ZNF385D: variants seen among roughly 807,000 people sequenced by gnomAD.
ZNF385D encodes zinc finger protein 385D.
A neutral mutation model predicts 35.8 loss-of-function variants in ZNF385D; 15 were observed. The ratio of observed to expected loss-of-function variants is 0.42; its 90% CI spans 0.28 to 0.64. The LOEUF (loss-of-function observed/expected upper bound fraction) is 0.64, where lower values mean the gene tolerates loss of function less well. ZNF385D is among the 30% of genes least tolerant of loss of function. ZNF385D has a pLI of 0.23. For missense variants in ZNF385D, 474 were observed against 494.6 expected (o/e 0.96, Z 0.39); for synonymous variants, 212 against 186.8 (o/e 1.13, Z -1.10).
intron 3 of ZNF385D, among the ~76,000 whole-genome samples, chr3:21,962,520 T>C (rs535665060): frequency 3.7e-4 from 57 of 152,358 alleles, no homozygotes; most frequent in Non-Finnish European, 7.3e-4. Flanking sequence ...AGGTTTGGTC[T>C]GCATTTTAAA....
intron 3 of ZNF385D, among the ~76,000 whole-genome samples, chr3:21,759,042 A>C (rs1156936970): frequency 6.8e-6 from 1 of 148,142 alleles, no homozygotes; most frequent in Non-Finnish European, 1.5e-5. Flanking sequence ...CCTGAACTCG[A>C]ATGTTCAAGT....
chr3:22,100,590 A>C (rs1313776591), intron 3 of ZNF385D, among the ~76,000 whole-genome samples: 1 of 151,032 alleles, frequency 6.6e-6, no homozygotes, highest in Non-Finnish European at 1.5e-5. Flanking sequence ...AAGGACAAAA[A>C]ACCAAACATC....
At chr3:22,259,427 CAG>C (rs1392940722) in intron 2 of ZNF385D, among the ~76,000 whole-genome samples, 1 of 151,610 alleles carries the variant, frequency 6.6e-6, no homozygotes, top group Non-Finnish European at 1.5e-5. Flanking sequence ...TAAGAATAAC[CAG>C]AGTCTGTCAG....
intron 2 of ZNF385D, among the ~76,000 whole-genome samples, chr3:22,187,382 T>C (rs1372918923): frequency 6.6e-6 from 1 of 152,176 alleles, no homozygotes; most frequent in Non-Finnish European, 1.5e-5. Context: ...TTTGGGTGGC[T>C]TAAACTATTT....
chr3:22,079,493 T>C (rs181518164), intron 3 of ZNF385D, among the ~76,000 whole-genome samples: 7 of 151,890 alleles, frequency 4.6e-5, no homozygotes, highest in African/African-American at 1.2e-4. Context: ...TGGGGAGAGA[T>C]TTCTGAAGTG....
chr3:22,229,220 A>G (rs540428429), intron 2 of ZNF385D, among the ~76,000 whole-genome samples: 2 of 152,274 alleles, frequency 1.3e-5, no homozygotes, highest in South Asian at 4.1e-4. Context: ...TCAGTCCTAA[A>G]ACATTTTACT....
At chr3:21,885,738 GTC>G (rs1222106456) in intron 3 of ZNF385D, among the ~76,000 whole-genome samples, 1,797 of 61,092 alleles carry the variant, frequency 0.029, 26 homozygotes, top group African/African-American at 0.066. Flanking sequence ...GTGTGTCTGT[GTC>G]TGTGTGTGTG....
At chr3:22,197,983 G>A (rs1696532345) in intron 2 of ZNF385D, among the ~76,000 whole-genome samples, 1 of 152,016 alleles carries the variant, frequency 6.6e-6, no homozygotes, top group Admixed American at 6.6e-5. Flanking sequence ...ATAGTTAGAA[G>A]GCGATGTCCC....
At chr3:21,717,676 G>C (rs1045670801) in intron 1 of ZNF385D, among the ~76,000 whole-genome samples, 2 of 152,170 alleles carry the variant, frequency 1.3e-5, no homozygotes, top group African/African-American at 2.4e-5. Flanking sequence ...TGCTGTTCTT[G>C]TGGTAGTGAA....
At chr3:22,004,000 A>G (rs752301927) in intron 3 of ZNF385D, among the ~76,000 whole-genome samples, 2 of 152,208 alleles carry the variant, frequency 1.3e-5, no homozygotes, top group South Asian at 2.1e-4. Context: ...TTTAAAATAT[A>G]CTATAAAGTT....
chr3:22,104,434 T>C (rs1702102796), intron 3 of ZNF385D, among the ~76,000 whole-genome samples: 2 of 152,206 alleles, frequency 1.3e-5, no homozygotes, highest in South Asian at 2.1e-4. Context: ...CTGCAGGTAG[T>C]ATTTTGATGT....
intron 5 of ZNF385D, among the ~76,000 whole-genome samples, chr3:21,432,997 A>C (rs1575135047): frequency 6.6e-6 from 1 of 152,188 alleles, no homozygotes; most frequent in East Asian, 1.9e-4. Context: ...TTGATCCTTA[A>C]AAATGCCATT....
chr3:21,931,604 C>T (rs550791344), intron 3 of ZNF385D, among the ~76,000 whole-genome samples: 5 of 152,132 alleles, frequency 3.3e-5, no homozygotes, highest in Middle Eastern at 3.4e-3. Context: ...GAATATACCA[C>T]GATATGGAAG....
At chr3:21,754,285 G>C (rs1251701824), upstream of ZNF385D, among the ~76,000 whole-genome samples, 2 of 152,128 alleles carry the variant, frequency 1.3e-5, no homozygotes, top group African/African-American at 4.8e-5. Context: ...CATCTCAAGG[G>C]AGCGACTTAG....
upstream of ZNF385D, chr3:21,751,500 G>A: frequency 1.1e-5 from 11 of 963,372 alleles, no homozygotes; most frequent in African/African-American, 1.8e-5. Context: ...CTTTTACCCC[G>A]CCCCTCCTGT....
intron 2 of ZNF385D, among the ~76,000 whole-genome samples, chr3:21,619,707 C>A (rs181972762): frequency 2.9e-4 from 44 of 152,170 alleles, no homozygotes; most frequent in Admixed American, 2.3e-3. Context: ...TTTTCCCAGC[C>A]CTGGCCTGCT....
At chr3:22,168,804 T>C in intron 3 of ZNF385D, 3 of 985,386 alleles carry the variant, frequency 3.0e-6, no homozygotes, top group African/African-American at 1.7e-5. Flanking sequence ...AAAATATTTT[T>C]AGAAAAGCTT....
At chr3:21,976,561 G>T (rs1254033864) in intron 3 of ZNF385D, among the ~76,000 whole-genome samples, 7 of 152,182 alleles carry the variant, frequency 4.6e-5, no homozygotes, top group Non-Finnish European at 7.3e-5. Flanking sequence ...GGAGACATAT[G>T]TAACAGATAA....
At chr3:21,699,364 G>C (rs2067590489) in intron 1 of ZNF385D, among the ~76,000 whole-genome samples, 1 of 152,100 alleles carries the variant, frequency 6.6e-6, no homozygotes. Flanking sequence ...GGGAGGGATA[G>C]CATTAGGAGA....
Sources: allele counts gnomAD v4.1 joint callset (sites outside exome capture counted in the v4.1 genomes callset), GRCh38; gene constraint gnomAD v4.1.1; transcripts MANE v1.5; gene names NCBI Gene and HGNC (gene_info 2026-07-23, HGNC 2026-07-21).